Variants in RABGAP1L observed in about 807,000 individuals in gnomAD.
The protein encoded by RABGAP1L is rab GTPase-activating protein 1-like.
Under a neutral mutation model 137.7 loss-of-function variants are expected in RABGAP1L, and 63 were observed. The observed-to-expected ratio is 0.46, with a 90% confidence interval of 0.37 to 0.56. RABGAP1L has a LOEUF of 0.56. RABGAP1L is among the 20% of genes least tolerant of loss of function. RABGAP1L has a pLI of 0.00. For missense variants in RABGAP1L, 1,095 were observed against 1,244.0 expected, an observed-to-expected ratio of 0.88 and a Z score of 1.80; for synonymous variants, 431 against 433.7, an observed-to-expected ratio of 0.99 and a Z score of 0.08.
chr1:174,589,933 G>A (rs963738450), intron 13 of RABGAP1L, among the ~76,000 whole-genome samples: 5 of 152,008 alleles, frequency 3.3e-5, no homozygotes, highest in Non-Finnish European at 5.9e-5. Flanking sequence ...GATGGCTTAG[G>A]CTATTCCAGG....
rs577574667 is a variant in RABGAP1L at position 174,760,182 on chromosome 1, T to C, written c.2211+7828T>C. 4.1e-5 allele frequency among the ~76,000 whole-genome samples: 6 copies of C among 144,936 alleles called. No individual in the cohort carries two copies. In the East Asian group the frequency reaches 1.2e-3, roughly 29 times the overall value. ...CTGCCAGTAGTCTTTTTAAAGCAGA[T>C]TTTTTTTTTTTTACTTTGAATTTCA... is the stretch of plus-strand genomic sequence containing the variant. On this transcript the variant is annotated intron_variant, in intron 18 of 25. Transcript: ENST00000681986.
At chr1:174,293,885 T>C (rs1676859693) in intron 10 of RABGAP1L, among the ~76,000 whole-genome samples, 1 of 152,224 alleles carries the variant, frequency 6.6e-6, no homozygotes, top group East Asian at 1.9e-4. Context: ...AACAATATAC[T>C]GGTAAAAATG....
At chr1:174,176,896 T>A (rs1665936266) in intron 1 of RABGAP1L, among the ~76,000 whole-genome samples, 1 of 151,562 alleles carries the variant, frequency 6.6e-6, no homozygotes, top group African/African-American at 2.4e-5. Flanking sequence ...CTGACCAACA[T>A]GGTGAAACCT....
At chr1:174,436,252 A>G (rs1430834681) in intron 13 of RABGAP1L, among the ~76,000 whole-genome samples, 1 of 152,184 alleles carries the variant, frequency 6.6e-6, no homozygotes, top group Non-Finnish European at 1.5e-5. Flanking sequence ...CAATGGTTGA[A>G]CTAGTTTATA....
intron 1 of RABGAP1L, among the ~76,000 whole-genome samples, chr1:174,202,088 G>T (rs1235309133): frequency 1.3e-5 from 2 of 151,792 alleles, no homozygotes; most frequent in African/African-American, 4.8e-5. Context: ...CTTTGCTATT[G>T]TGAATAGTGC....
intron 13 of RABGAP1L, among the ~76,000 whole-genome samples, chr1:174,605,537 C>T (rs879403443): frequency 4.6e-5 from 7 of 151,828 alleles, no homozygotes; most frequent in Non-Finnish European, 1.0e-4. Context: ...TACAATTCTT[C>T]GAAGAAATGC....
At chr1:174,682,302 A>G (rs1426103275) in intron 14 of RABGAP1L, among the ~76,000 whole-genome samples, 1 of 126,494 alleles carries the variant, frequency 7.9e-6, no homozygotes. Flanking sequence ...CTCTCTATAC[A>G]TACATATATA....
intron 13 of RABGAP1L, among the ~76,000 whole-genome samples, chr1:174,521,496 AG>A (rs1359156736): frequency 6.6e-6 from 1 of 152,230 alleles, no homozygotes; most frequent in Admixed American, 6.5e-5. Context: ...AAAAGCAAAA[AG>A]GACTTCTGGT....
Position 174,241,563 on chromosome 1 carries a change from GAAC to G in RABGAP1L, c.628_630del (p.Thr210del), listed in dbSNP as rs1291431856. Reference sequence around the variant, plus strand: ...TTATTCTGTGCACGTGGACATGACGGAACAACAGAGAGCAATTGCTTTGCATTT... The same window carrying G: ...TTATTCTGTGCACGTGGACATGACGGAACAGAGAGCAATTGCTTTGCATTT... On this transcript the variant is annotated inframe_deletion, in exon 5 of 26. Coordinates refer to ENST00000681986, the MANE Select transcript of RABGAP1L (RefSeq NM_001366446.1). 3 of 1,613,376 alleles carry G rather than the reference GAAC, an allele frequency of 1.9e-6. No individual in the cohort carries two copies. Among genetic ancestry groups the G allele is most frequent in the Non-Finnish European group, 2.5e-6 (3 of 1,179,520 alleles).
chr1:174,291,583 C>A (rs1415520062), intron 10 of RABGAP1L, among the ~76,000 whole-genome samples: 1 of 152,080 alleles, frequency 6.6e-6, no homozygotes, highest in Non-Finnish European at 1.5e-5. Context: ...CCATCTGGGC[C>A]TATAGTTTAC....
At chr1:174,792,298 C>T (rs1051440923) in intron 18 of RABGAP1L, among the ~76,000 whole-genome samples, 1 of 152,174 alleles carries the variant, frequency 6.6e-6, no homozygotes, top group African/African-American at 2.4e-5. Context: ...ATGAGAGATA[C>T]TGTCCAAAGT....
chr1:174,253,699 T>C (rs1672893276), intron 7 of RABGAP1L, among the ~76,000 whole-genome samples: 1 of 152,172 alleles, frequency 6.6e-6, no homozygotes, highest in African/African-American at 2.4e-5. Flanking sequence ...AACAACAAAA[T>C]AATTAGGTAC....
At chr1:174,475,038 TAATA>T (rs1313840019) in intron 13 of RABGAP1L, among the ~76,000 whole-genome samples, 1 of 152,086 alleles carries the variant, frequency 6.6e-6, no homozygotes, top group Non-Finnish European at 1.5e-5. Flanking sequence ...ATTTAAATAT[TAATA>T]AATATCATTT....
At chr1:174,842,998 C>A (rs1446449067) in intron 19 of RABGAP1L, among the ~76,000 whole-genome samples, 1 of 152,136 alleles carries the variant, frequency 6.6e-6, no homozygotes, top group Non-Finnish European at 1.5e-5. Context: ...AAATTCCCAA[C>A]ATTTTGTAAA....
intron 18 of RABGAP1L, among the ~76,000 whole-genome samples, chr1:174,773,717 C>T (rs1439489975): frequency 6.6e-6 from 1 of 152,144 alleles, no homozygotes; most frequent in Non-Finnish European, 1.5e-5. Context: ...TTAAAATATT[C>T]TCTGCTCTTG....
intron 19 of RABGAP1L, among the ~76,000 whole-genome samples, chr1:174,956,476 T>C (rs934744788): frequency 2.5e-4 from 38 of 152,326 alleles, no homozygotes; most frequent in African/African-American, 9.1e-4. Context: ...AATAGTAAAC[T>C]ACTGTCTTTT....
intron 1 of RABGAP1L, among the ~76,000 whole-genome samples, chr1:174,189,733 C>G (rs1215644815): frequency 6.6e-6 from 1 of 152,094 alleles, no homozygotes; most frequent in Non-Finnish European, 1.5e-5. Flanking sequence ...CTTTGGGAGG[C>G]CAAGGCAGGA....
rs1019478096 is a variant in RABGAP1L at position 174,838,515 on chromosome 1, C to T, written c.2340+26555C>T. ...GACCTAGTACAAGTGTTTTATCTAA[C>T]TGATGATAGTGACATAGTGGACTGA... On this transcript the variant is annotated intron_variant, in intron 19 of 25. Coordinates refer to ENST00000681986, the MANE Select transcript of RABGAP1L (RefSeq NM_001366446.1). Among the ~76,000 whole-genome samples the T allele has an allele frequency of 3.3e-5, 5 of 152,134 alleles. 1 individual carries two copies. The highest frequency in any genetic ancestry group is 3.3e-4 in the Admixed American group (5 of 15,278).
At chr1:174,502,576 G>A (rs936061032) in intron 13 of RABGAP1L, among the ~76,000 whole-genome samples, 5 of 129,072 alleles carry the variant, frequency 3.9e-5, no homozygotes, top group African/African-American at 1.5e-4. Context: ...AAAGTACACG[G>A]TATATATATA....
Sources: allele counts gnomAD v4.1 joint callset (sites outside exome capture counted in the v4.1 genomes callset), GRCh38; gene constraint gnomAD v4.1.1; transcripts MANE v1.5; gene names NCBI Gene and HGNC (gene_info 2026-07-23, HGNC 2026-07-21).